The following PARG variants were observed in gnomAD, a reference collection of about 807,000 sequenced individuals.
The protein encoded by PARG is mitochondrial poly(ADP-ribose) glycohydrolase.
In PARG, 35 loss-of-function variants were observed where a neutral mutation model predicts 113.0. That is an observed-to-expected ratio of 0.31 (90% CI 0.24 to 0.41). The LOEUF (loss-of-function observed/expected upper bound fraction) is 0.41, where lower values mean the gene tolerates loss of function less well. Among genes scored for constraint, PARG ranks in the 10% least tolerant of loss-of-function variants. The pLI is 1.00. For synonymous variants in PARG, 330 were observed against 409.9 expected (o/e 0.81, Z 2.36); for missense variants, 797 against 1,169.4 (o/e 0.68, Z 4.64).
intron 17 of PARG, among the ~76,000 whole-genome samples, chr10:49,819,951 G>A (rs1277666496): frequency 1.3e-5 from 2 of 152,150 alleles, no homozygotes; most frequent in Admixed American, 6.5e-5. Context: ...CCTTACTTTA[G>A]TAAGCTGATA....
chr10:49,889,144 C>T (rs1847645913), intron 7 of PARG, among the ~76,000 whole-genome samples: 1 of 149,304 alleles, frequency 6.7e-6, no homozygotes, highest in Non-Finnish European at 1.5e-5. Context: ...CTTGTGATGG[C>T]TACTTTAAAA....
chr10:49,884,138 A>C (rs1847347972), intron 8 of PARG, among the ~76,000 whole-genome samples: 1 of 151,592 alleles, frequency 6.6e-6, no homozygotes, highest in Admixed American at 6.6e-5. Flanking sequence ...CACCGCAACC[A>C]CGAGAGAAAT....
intron 13 of PARG, among the ~76,000 whole-genome samples, chr10:49,850,764 TCTC>T (rs1288353799): frequency 6.6e-6 from 1 of 152,150 alleles, no homozygotes; most frequent in African/African-American, 2.4e-5. Context: ...TCAGTGTTCT[TCTC>T]TGAGAGGAAC....
At chr10:49,841,868 A>G in intron 15 of PARG, 82 bp downstream of exon 15, 1 of 872,030 alleles carries the variant, frequency 1.1e-6, no homozygotes. Context: ...AATAATTACC[A>G]GAAAGCATTA....
intron 13 of PARG, among the ~76,000 whole-genome samples, chr10:49,857,027 A>T (rs2132520026): frequency 6.6e-6 from 1 of 151,920 alleles, no homozygotes; most frequent in African/African-American, 2.4e-5. Context: ...AAAAAAAAAA[A>T]AAAAAAATTC....
At chr10:49,828,256 C>T (rs1238678335) in intron 16 of PARG, among the ~76,000 whole-genome samples, 2 of 152,074 alleles carry the variant, frequency 1.3e-5, no homozygotes, top group African/African-American at 4.8e-5. Flanking sequence ...AGATAAAACA[C>T]ATGAACTGTT....
At chr10:49,834,880 G>A (rs1202494350) in intron 15 of PARG, among the ~76,000 whole-genome samples, 1 of 152,010 alleles carries the variant, frequency 6.6e-6, no homozygotes, top group African/African-American at 2.4e-5. Context: ...AAAATTAAAT[G>A]ATAAAATTAC....
At chr10:49,924,317 T>C (rs1379769382) in intron 4 of PARG, among the ~76,000 whole-genome samples, 1 of 152,088 alleles carries the variant, frequency 6.6e-6, no homozygotes, top group Non-Finnish European at 1.5e-5. Context: ...ATCCATGTGG[T>C]AGTATGTATG....
At chr10:49,870,177 C>T (rs1846725868) in intron 9 of PARG, among the ~76,000 whole-genome samples, 1 of 150,588 alleles carries the variant, frequency 6.6e-6, no homozygotes, top group Admixed American at 6.6e-5. Flanking sequence ...CAGGTAGTAA[C>T]AGTTAAATGA....
intron 11 of PARG, among the ~76,000 whole-genome samples, chr10:49,862,248 T>C (rs1242845073): frequency 2.6e-4 from 40 of 152,088 alleles, no homozygotes; most frequent in South Asian, 6.2e-4. Context: ...CACTGAGGTA[T>C]TGACTTATGT....
rs369345476 is a variant in PARG at position 49,920,475 on chromosome 10, T to A, written c.1662+1861A>T. Among the ~76,000 whole-genome samples the A allele has an allele frequency of 6.8e-3, 601 of 87,738 alleles. 9 individuals carry two copies. The highest frequency in any genetic ancestry group is 0.018 in the Middle Eastern group (3 of 170). The allele number at this position is 87,738 out of a possible 152,430, so 57.6% of individuals were successfully genotyped here. A position where few individuals can be genotyped will look rare whatever the true frequency, so the allele number is the denominator to read the frequency against. ...TTAAAAAAAAAAAAATATATATATA[T>A]ATATATATATATATATATATATACA... On this transcript the variant is annotated intron_variant, in intron 6 of 17. Transcript: ENST00000616448.
intron 7 of PARG, among the ~76,000 whole-genome samples, chr10:49,900,607 C>A (rs1848308466): frequency 6.6e-6 from 1 of 152,210 alleles, no homozygotes; most frequent in Non-Finnish European, 1.5e-5. Flanking sequence ...TAATAATAAA[C>A]AGCAGAATTC....
At chr10:49,880,265 A>G (rs2132627216) in intron 8 of PARG, among the ~76,000 whole-genome samples, 1 of 152,374 alleles carries the variant, frequency 6.6e-6, no homozygotes, top group African/African-American at 2.4e-5. Context: ...ATGATCTAAG[A>G]TAATTCAACA....
chr10:49,866,156 C>T (rs1249946542), intron 10 of PARG, among the ~76,000 whole-genome samples: 2 of 151,910 alleles, frequency 1.3e-5, no homozygotes, highest in African/African-American at 4.8e-5. Flanking sequence ...AAGCTAGTAG[C>T]AAAAGAAACT....
intron 13 of PARG, among the ~76,000 whole-genome samples, chr10:49,844,198 T>C (rs1554832931): frequency 1.3e-5 from 2 of 151,924 alleles, no homozygotes; most frequent in African/African-American, 4.8e-5. Flanking sequence ...AGAAAAAGCA[T>C]ATAAGTAAAC....
intron 4 of PARG, 109 bp downstream of exon 4, chr10:49,931,991 C>A (rs1838510707): frequency 1.5e-6 from 1 of 683,064 alleles, no homozygotes; most frequent in African/African-American, 1.8e-5. Context: ...TTTATATATG[C>A]AGAAAACAGA....
intron 4 of PARG, among the ~76,000 whole-genome samples, chr10:49,927,967 A>G (rs1838291808): frequency 1.5e-5 from 2 of 132,384 alleles, no homozygotes; most frequent in South Asian, 2.5e-4. Context: ...CTGTCTCTTT[A>G]AAAAAAAAAA....
At chr10:49,853,320 G>A (rs1395079274) in intron 13 of PARG, among the ~76,000 whole-genome samples, 4 of 151,974 alleles carry the variant, frequency 2.6e-5, no homozygotes, top group African/African-American at 9.7e-5. Context: ...ACAGGCGTGA[G>A]CCACTGCACC....
At chr10:49,836,057 A>G (rs954260600) in intron 15 of PARG, among the ~76,000 whole-genome samples, 6 of 152,188 alleles carry the variant, frequency 3.9e-5, no homozygotes, top group African/African-American at 1.2e-4. Context: ...TAGGTTGTGT[A>G]AAGTGACATG....
Sources: allele counts gnomAD v4.1 joint callset (sites outside exome capture counted in the v4.1 genomes callset), GRCh38; gene constraint gnomAD v4.1.1; transcripts MANE v1.5; gene names NCBI Gene and HGNC (gene_info 2026-07-23, HGNC 2026-07-21).